HDAC9: variants seen among roughly 807,000 people sequenced by gnomAD.
HDAC9 encodes MEF-2 interacting transcription repressor (MITR) protein.
HDAC9 carries 41 observed loss-of-function variants against 139.4 expected under a neutral mutation model. The ratio of observed to expected loss-of-function variants is 0.29; its 90% CI spans 0.23 to 0.38. The LOEUF (loss-of-function observed/expected upper bound fraction) is 0.38. Among genes scored for constraint, HDAC9 ranks in the 10% least tolerant of loss-of-function variants. The probability of loss-of-function intolerance (pLI) is 1.00; values close to 1 mark genes in which losing one functional copy is unlikely to be tolerated. For missense variants in HDAC9, 1,147 were observed against 1,297.0 expected (o/e 0.88, Z 1.78); for synonymous variants, 517 against 476.2 (o/e 1.09, Z -1.12).
chr7:18,912,690 A>G (rs947577890), intron 22 of HDAC9, among the ~76,000 whole-genome samples: 43 of 152,234 alleles, frequency 2.8e-4, no homozygotes, highest in African/African-American at 9.9e-4. Context: ...TGAAATCTCA[A>G]TAGTATGGAC....
At chr7:18,109,238 G>A (rs982450585) in intron 1 of HDAC9, among the ~76,000 whole-genome samples, 1 of 152,148 alleles carries the variant, frequency 6.6e-6, no homozygotes, top group Non-Finnish European at 1.5e-5. Flanking sequence ...TCAGTACCCA[G>A]GTTAAGCATT....
In HDAC9 at chr7:18,257,436, CAA is replaced by C. The variant is rs1338381344; in HGVS notation, c.25+95091_25+95092del. Among the ~76,000 whole-genome samples, 1,325 of 141,062 alleles carry C rather than the reference CAA, an allele frequency of 9.4e-3. 11 individuals are homozygous for C. The highest frequency in any genetic ancestry group is 0.011 in the African/African-American group (393 of 36,458). The allele number at this position is 141,062 out of a possible 152,430, so 92.5% of individuals were successfully genotyped here. On this transcript the variant is annotated intron_variant, in intron 2 of 12. Coordinates refer to the HDAC9 transcript ENST00000417496. ...ACACACACACACACACACACACACA[CAA>C]AAAGAAAAAAAGAAAAAGTAGCATA...
At chr7:18,683,811 T>C (rs1191134595) in intron 12 of HDAC9, among the ~76,000 whole-genome samples, 1 of 152,006 alleles carries the variant, frequency 6.6e-6, no homozygotes, top group Non-Finnish European at 1.5e-5. Context: ...ATATTGGGAG[T>C]TGAGTTTTCT....
At chr7:18,754,723 T>A (rs1178171) in intron 14 of HDAC9, among the ~76,000 whole-genome samples, 45,690 of 152,002 alleles carry the variant, frequency 0.3, 7,956 homozygotes, top group East Asian at 0.66. Flanking sequence ...CCCTTCAGGG[T>A]CTTCTCGGCA....
intron 6 of HDAC9, among the ~76,000 whole-genome samples, chr7:18,626,787 CT>C (rs1001006006): frequency 6.6e-5 from 10 of 152,106 alleles, no homozygotes; most frequent in African/African-American, 2.4e-4. Flanking sequence ...AAAATCATTT[CT>C]TTCTGAAAAT....
chr7:18,982,706 A>C (rs953634320), intron 25 of HDAC9, among the ~76,000 whole-genome samples: 1 of 152,100 alleles, frequency 6.6e-6, no homozygotes, highest in Non-Finnish European at 1.5e-5. Context: ...CCTGCTCTTG[A>C]ATTTCATTTA....
In HDAC9 at chr7:18,634,724, C is replaced by T. The variant is rs775894200; in HGVS notation, c.894C>T (p.Pro298=). The T allele has an allele frequency of 1.3e-6, 2 of 1,594,104 alleles. No homozygotes were observed. The highest frequency in any genetic ancestry group is 2.3e-5 in the East Asian group (1 of 44,096). The stretch of plus-strand genomic sequence containing the variant: ...CTGAAAATGAGACTTCGGTTTTGCC[C>T]CCTACCCCTCATGCCGAGGTAAGAC... ...SVTENETSVL[P]PTPHAEQMVS... Residue 298 remains proline, a synonymous_variant, in exon 8 of 26, where the codon CCC becomes CCT. Transcript: ENST00000686413.
intron 1 of HDAC9, among the ~76,000 whole-genome samples, chr7:18,379,328 G>A (rs771389029): frequency 9.2e-5 from 14 of 152,182 alleles, no homozygotes; most frequent in Non-Finnish European, 1.8e-4. Context: ...AAACAATTAA[G>A]TTTGCTAATG....
intron 2 of HDAC9, among the ~76,000 whole-genome samples, chr7:18,567,365 T>G (rs1197666588): frequency 6.6e-6 from 1 of 152,214 alleles, no homozygotes; most frequent in Non-Finnish European, 1.5e-5. Context: ...AATTGCACTG[T>G]TTGTTGTTCT....
chr7:18,983,862 T>C (rs1426650291), intron 25 of HDAC9, among the ~76,000 whole-genome samples: 1 of 152,102 alleles, frequency 6.6e-6, no homozygotes, highest in Non-Finnish European at 1.5e-5. Context: ...CATCAGGGCT[T>C]CCTTGGCACA....
intron 12 of HDAC9, among the ~76,000 whole-genome samples, chr7:18,675,694 A>G (rs1032074318): frequency 6.6e-6 from 1 of 151,996 alleles, no homozygotes; most frequent in African/African-American, 2.4e-5. Context: ...GAAAATGGCA[A>G]TATGTATACG....
chr7:18,957,509 A>T (rs948059338), intron 24 of HDAC9, among the ~76,000 whole-genome samples: 1 of 152,120 alleles, frequency 6.6e-6, no homozygotes, highest in African/African-American at 2.4e-5. Context: ...CCAGGACCCT[A>T]ATTGTGTTCC....
chr7:18,942,880 G>C (rs1782116199), intron 23 of HDAC9, among the ~76,000 whole-genome samples: 1 of 151,820 alleles, frequency 6.6e-6, no homozygotes, highest in Non-Finnish European at 1.5e-5. Flanking sequence ...ATGTGAAACA[G>C]GTCTTGTTAG....
At chr7:18,548,027 C>T (rs1586915403) in intron 2 of HDAC9, among the ~76,000 whole-genome samples, 1 of 152,052 alleles carries the variant, frequency 6.6e-6, no homozygotes, top group East Asian at 1.9e-4. Flanking sequence ...TTAATCATTT[C>T]TAGCTCTTGA....
intron 1 of HDAC9, among the ~76,000 whole-genome samples, chr7:18,434,182 A>G (rs1446063637): frequency 6.6e-6 from 1 of 152,364 alleles, no homozygotes; most frequent in African/African-American, 2.4e-5. Flanking sequence ...CCTATATAAT[A>G]TATGGCACTG....
At chr7:18,869,102 C>T (rs1218034936) in intron 21 of HDAC9, among the ~76,000 whole-genome samples, 2 of 151,132 alleles carry the variant, frequency 1.3e-5, no homozygotes, top group Non-Finnish European at 2.9e-5. Flanking sequence ...AAGAGGGGGG[C>T]ATGGGAACCC....
rs1393936064 is a variant in HDAC9, at chr7:18,627,167, A to G, written c.665-2183A>G. 2.6e-5 allele frequency among the ~76,000 whole-genome samples: 4 copies of G among 152,196 alleles called. No individual in the cohort carries two copies. The South Asian group carries it at 6.2e-4, about 24-fold the overall frequency. Reference sequence around the variant, plus strand: ...TCTCACTGCAAATTTCATAACAGGAAAGTTGTCCCATGCAGACTGAATTCA... The same window carrying G: ...TCTCACTGCAAATTTCATAACAGGAGAGTTGTCCCATGCAGACTGAATTCA... On this transcript the variant is annotated intron_variant, in intron 6 of 25. Coordinates refer to ENST00000686413, the MANE Select transcript of HDAC9 (RefSeq NM_178425.4).
intron 20 of HDAC9, 64 bp from the exon 21 acceptor site, chr7:18,835,836 C>A: frequency 8.5e-7 from 1 of 1,174,140 alleles, no homozygotes; most frequent in Non-Finnish European, 1.2e-6. Context: ...TTGTTTTCCT[C>A]TCTTCTTGCT....
intron 6 of HDAC9, among the ~76,000 whole-genome samples, chr7:18,594,265 C>A (rs564382397): frequency 6.6e-6 from 1 of 151,946 alleles, no homozygotes; most frequent in African/African-American, 2.4e-5. Flanking sequence ...CATATTTGAA[C>A]TTTAGCCAAA....
Sources: gnomAD v4.1 joint callset for allele counts (sites outside exome capture counted in the v4.1 genomes callset) on GRCh38, gnomAD v4.1.1 for gene constraint, MANE v1.5 for transcripts, NCBI Gene and HGNC (gene_info 2026-07-23, HGNC 2026-07-21) for gene names.